PPP2R2C: variants seen among roughly 807,000 people sequenced by gnomAD.
PPP2R2C encodes protein phosphatase 2 regulatory subunit Bgamma.
In PPP2R2C, 10 loss-of-function variants were observed where a neutral mutation model predicts 45.3. The ratio of observed to expected loss-of-function variants is 0.22; its 90% CI spans 0.14 to 0.37. The LOEUF (loss-of-function observed/expected upper bound fraction) is 0.37. Among genes scored for constraint, PPP2R2C ranks in the 10% least tolerant of loss-of-function variants. PPP2R2C has a pLI of 1.00. For missense variants in PPP2R2C, 308 were observed against 619.7 expected (o/e 0.50, Z 5.34); for synonymous variants, 257 against 245.4 (o/e 1.05, Z -0.44).
intron 8 of PPP2R2C, among the ~76,000 whole-genome samples, chr4:6,326,136 A>G (rs1731920877): frequency 6.6e-6 from 1 of 152,254 alleles, no homozygotes. Context: ...AGAGCCAATC[A>G]GATCCTTCCA....
intron 1 of PPP2R2C, among the ~76,000 whole-genome samples, chr4:6,391,906 C>T (rs1347660739): frequency 6.6e-6 from 1 of 152,228 alleles, no homozygotes; most frequent in Admixed American, 6.5e-5. Flanking sequence ...CCCTTCACAC[C>T]TCTCTGAGTC....
At chr4:6,346,180 T>G (rs1711898091) in intron 6 of PPP2R2C, among the ~76,000 whole-genome samples, 1 of 152,170 alleles carries the variant, frequency 6.6e-6, no homozygotes, top group Non-Finnish European at 1.5e-5. Context: ...TGCAGCGACC[T>G]CTGACGCCTG....
chr4:6,500,116 G>A (rs532107035), intron 2 of PPP2R2C, among the ~76,000 whole-genome samples: 1 of 152,324 alleles, frequency 6.6e-6, no homozygotes, highest in South Asian at 2.1e-4. Flanking sequence ...AACATGAAAT[G>A]AATTAAGATT....
At chr4:6,425,594 C>T (rs1051528144) in intron 1 of PPP2R2C, among the ~76,000 whole-genome samples, 3 of 152,196 alleles carry the variant, frequency 2.0e-5, no homozygotes, top group African/African-American at 4.8e-5. Flanking sequence ...TGGTTTATGA[C>T]CACACTTGAA....
chr4:6,539,941 C>G (rs572732216), intron 1 of PPP2R2C, among the ~76,000 whole-genome samples: 25 of 152,254 alleles, frequency 1.6e-4, no homozygotes, highest in Middle Eastern at 3.4e-3. Context: ...CAGAAACTGG[C>G]CACGTGGCCA....
chr4:6,333,155 C>T (rs570339294), intron 7 of PPP2R2C, among the ~76,000 whole-genome samples: 27 of 152,304 alleles, frequency 1.8e-4, no homozygotes, highest in African/African-American at 5.3e-4. Context: ...GCACTGCTTA[C>T]GGATGCACCC....
At chr4:6,512,206 GT>G (rs1723615343) in intron 2 of PPP2R2C, among the ~76,000 whole-genome samples, 1 of 89,492 alleles carries the variant, frequency 1.1e-5, no homozygotes, top group Non-Finnish European at 2.3e-5. Context: ...GGTGATGGTG[GT>G]GGTGATGGTG....
At chr4:6,383,754 T>G in intron 1 of PPP2R2C, 1 of 931,534 alleles carries the variant, frequency 1.1e-6, no homozygotes, top group Non-Finnish European at 1.3e-6. Context: ...AACGTAAACT[T>G]CATGAGGGCA....
chr4:6,432,570 G>A (rs1719679686), intron 1 of PPP2R2C, among the ~76,000 whole-genome samples: 2 of 152,200 alleles, frequency 1.3e-5, no homozygotes, highest in African/African-American at 2.4e-5. Context: ...CAGGATAGAG[G>A]ATTTGGACTG....
chr4:6,448,560 G>A (rs369450382), intron 1 of PPP2R2C, among the ~76,000 whole-genome samples: 4 of 152,100 alleles, frequency 2.6e-5, no homozygotes, highest in South Asian at 2.1e-4. Context: ...GGAGGCCACC[G>A]CCATCTGGAT....
chr4:6,508,805 A>C (rs182926216), intron 2 of PPP2R2C, among the ~76,000 whole-genome samples: 3 of 152,306 alleles, frequency 2.0e-5, no homozygotes, highest in Non-Finnish European at 2.9e-5. Flanking sequence ...ATTAAGACGC[A>C]GCCCCTCCCA....
intron 8 of PPP2R2C, among the ~76,000 whole-genome samples, chr4:6,325,579 G>A (rs1731873958): frequency 6.6e-6 from 1 of 152,176 alleles, no homozygotes; most frequent in Non-Finnish European, 1.5e-5. Context: ...AGTGGAAGGA[G>A]AGCGACATAA....
chr4:6,535,207 A>G (rs1344481664), intron 2 of PPP2R2C: 2 of 1,502,838 alleles, frequency 1.3e-6, no homozygotes, highest in Non-Finnish European at 1.8e-6. Context: ...GGCGCCTGTG[A>G]CCCACAGCCC....
rs1188689499 is a variant in PPP2R2C, at chr4:6,364,471, A to G, written c.625+8052T>C. On this transcript the variant is annotated intron_variant, in intron 5 of 8. Coordinates refer to ENST00000382599, the MANE Select transcript of PPP2R2C (RefSeq NM_020416.4). This position sits in a 1 kb window ranked among gnomAD's most constrained non-coding sequence, Gnocchi z 5.3. ...TGAAGGGTTCTGAGCAAGGAGTGAC[A>G]TGATCTTGTCGTTTTTTTTTTTCTC... 6.6e-6 allele frequency among the ~76,000 whole-genome samples: 1 copy of G among 151,492 alleles called. No homozygotes were observed. Among genetic ancestry groups the G allele is most frequent in the East Asian group, 1.9e-4 (1 of 5,182 alleles).
At position 6,347,384 on chromosome 4, in the gene PPP2R2C, G is replaced by T. The variant is rs1019656239; in HGVS notation, c.790+462C>A. 5.9e-5 allele frequency among the ~76,000 whole-genome samples: 9 copies of T among 152,242 alleles called. No individual in the cohort carries two copies. The South Asian group carries it at 1.9e-3, about 32-fold the overall frequency. On this transcript the variant is annotated intron_variant, in intron 6 of 8. Coordinates refer to ENST00000382599, the MANE Select transcript of PPP2R2C (RefSeq NM_020416.4). Reference sequence around the variant, plus strand: ...GGCCTGTGGTGGGTTCTAGGATGAGGGGACATGTTACAGACCCTGCTCCAA... The same window carrying T: ...GGCCTGTGGTGGGTTCTAGGATGAGTGGACATGTTACAGACCCTGCTCCAA...
chr4:6,556,372 G>A (rs534769163), intron 1 of PPP2R2C, among the ~76,000 whole-genome samples: 3 of 152,244 alleles, frequency 2.0e-5, no homozygotes, highest in Admixed American at 1.3e-4. Flanking sequence ...CCTGCCCTGG[G>A]ATTGGCACTC....
intron 2 of PPP2R2C, among the ~76,000 whole-genome samples, chr4:6,498,911 C>T (rs187744539): frequency 3.7e-4 from 56 of 152,246 alleles, no homozygotes; most frequent in African/African-American, 1.3e-3. Flanking sequence ...GGCAGCTAGA[C>T]AGTATCATAT....
At chr4:6,355,729 G>A (rs192592341) in intron 5 of PPP2R2C, among the ~76,000 whole-genome samples, 3 of 152,160 alleles carry the variant, frequency 2.0e-5, no homozygotes, top group Admixed American at 6.5e-5. Context: ...GGTGGTTCAC[G>A]CCTGTAATCC....
intron 1 of PPP2R2C, among the ~76,000 whole-genome samples, chr4:6,412,910 C>T (rs1198153107): frequency 3.3e-5 from 5 of 152,192 alleles, no homozygotes; most frequent in Non-Finnish European, 7.4e-5. Flanking sequence ...GTGAACCAGG[C>T]ATACGGCCTT....
Sources: gnomAD v4.1 joint callset for allele counts (sites outside exome capture counted in the v4.1 genomes callset) on GRCh38, gnomAD v4.1.1 for gene constraint, Gnocchi (gnomAD v3.1) non-coding constraint, MANE v1.5 for transcripts, NCBI Gene and HGNC (gene_info 2026-07-23, HGNC 2026-07-21) for gene names.